Variants in WDR88 observed in about 807,000 individuals in gnomAD.
WDR88 encodes WD repeat-containing protein 88.
Under a neutral mutation model 46.8 loss-of-function variants are expected in WDR88, and 40 were observed. The observed-to-expected ratio is 0.86, with a 90% CI of 0.66 to 1.11. WDR88 has a LOEUF of 1.11. WDR88 is among the 50% of genes most tolerant of loss of function. The pLI is 0.00. For missense variants in WDR88, 562 were observed against 602.4 expected (o/e 0.93, Z 0.70); for synonymous variants, 235 against 240.7 (o/e 0.98, Z 0.22).
chr19:33,174,568 G>C (rs931372974), intron 10 of WDR88: 1 of 983,740 alleles, frequency 1.0e-6, no homozygotes, highest in Admixed American at 6.2e-5. Flanking sequence ...CCAGAAACAG[G>C]CTCAGGGACG....
rs751290834 is a variant in WDR88 at position 33,172,354 on chromosome 19, A to C, written c.1156A>C (p.Thr386Pro). ...KWILSASKDRTMRLWNIEEID... is the reference protein window; with the variant it reads ...KWILSASKDRPMRLWNIEEID... ...GGTTTGCTATTTGTTTTAGGATAGG[A>C]CCATGAGACTGTGGAATATTGAAGA... Residue 386 changes from threonine to proline, a missense_variant, in exon 10 of 11, where the codon ACC becomes CCC. Thr to Pro is a conservative substitution (Grantham distance 38). Transcript: ENST00000355868. 4 of 1,613,658 alleles carry C rather than the reference A, an allele frequency of 2.5e-6. No homozygotes were observed. Among genetic ancestry groups the C allele is most frequent in the Non-Finnish European group, 2.5e-6 (3 of 1,179,784 alleles).
At position 33,175,654 on chromosome 19, in the gene WDR88, G is replaced by T; in HGVS notation, c.*82G>T. ...GGGCTTTGCAGGGGCTTTCTCTTGG[G>T]CCCCTCCCAGGCTCAGCAGGCCTGT... On this transcript the variant is annotated 3_prime_UTR_variant, in exon 11 of 11. Coordinates refer to ENST00000355868, the MANE Select transcript of WDR88 (RefSeq NM_173479.4). 3 of 1,546,364 alleles carry T rather than the reference G, an allele frequency of 1.9e-6. No individual in the cohort carries two copies. The highest frequency in any genetic ancestry group is 2.6e-6 in the Non-Finnish European group (3 of 1,135,938).
chr19:33,167,550 ACTGGAAGTG>A (rs769031983), intron 9 of WDR88, among the ~76,000 whole-genome samples: 3 of 152,124 alleles, frequency 2.0e-5, no homozygotes, highest in Non-Finnish European at 4.4e-5. Flanking sequence ...TCAATATTGT[ACTGGAAGTG>A]CTAGCCGGAG....
chr19:33,141,291 G>A (rs1973390777), intron 2 of WDR88, among the ~76,000 whole-genome samples: 1 of 145,054 alleles, frequency 6.9e-6, no homozygotes, highest in African/African-American at 2.7e-5. Context: ...GTGCAGTGGT[G>A]CAGTTATGGC....
chr19:33,151,217 A>G lies in WDR88; in HGVS notation c.716A>G (p.Asp239Gly), dbSNP rs751612872. The change falls in exon 6 of 11, where the codon GAC becomes GGC. Residue 239 changes from aspartate (D) to glycine (G), a missense_variant. Coordinates refer to ENST00000355868, the MANE Select transcript of WDR88 (RefSeq NM_173479.4). ...HTRSITSCCF[D>G]PDSQRVASVS... ...AGGTCCATCACGTCATGCTGCTTTG[A>G]CCCCGACAGCCAGAGGGTGGCTTCT... 1.2e-6 allele frequency: 2 copies of G among 1,613,598 alleles called. No homozygotes were observed. The highest frequency in any genetic ancestry group is 2.2e-5 in the South Asian group (2 of 90,942).
intron 2 of WDR88, among the ~76,000 whole-genome samples, chr19:33,140,048 G>A (rs919879852): frequency 2.4e-4 from 36 of 152,150 alleles, no homozygotes; most frequent in African/African-American, 8.7e-4. Context: ...CTGTCCTTAT[G>A]GACACCTGGC....
chr19:33,132,593 C>A, intron 1 of WDR88, 148 bp downstream of exon 1: 1 of 1,290,752 alleles, frequency 7.7e-7, no homozygotes, highest in Non-Finnish European at 1.0e-6. Context: ...ATCTGTGGTA[C>A]ATCTGTGGGC....
At chr19:33,162,716 C>T (rs140025878) in intron 8 of WDR88, among the ~76,000 whole-genome samples, 11 of 152,126 alleles carry the variant, frequency 7.2e-5, no homozygotes, top group East Asian at 3.9e-4. Flanking sequence ...GCTAAACACC[C>T]GAGTACTATT....
chr19:33,137,799 G>C lies in WDR88; in HGVS notation c.387+12G>C. 1 of 1,609,778 alleles carries C rather than the reference G, an allele frequency of 6.2e-7. No individual in the cohort carries two copies. The highest frequency in any genetic ancestry group is 8.5e-7 in the Non-Finnish European group (1 of 1,177,938). On this transcript the variant is annotated intron_variant, in intron 2 of 10. Transcript: ENST00000355868. ...CTGTGAAGCTGTGGGTAGGTGGCCG[G>C]CTGTTAGGTACTCCTGGAGCGAAAA...
chr19:33,141,077 C>T (rs1277972682), intron 2 of WDR88, among the ~76,000 whole-genome samples: 1 of 151,460 alleles, frequency 6.6e-6, no homozygotes, highest in African/African-American at 2.4e-5. Flanking sequence ...GCTGGGACCA[C>T]AGGCACACAC....
chr19:33,160,633 G>C, intron 8 of WDR88, 137 bp downstream of exon 8: 1 of 887,604 alleles, frequency 1.1e-6, no homozygotes, highest in East Asian at 2.4e-5. Flanking sequence ...GGACAGACAG[G>C]AAGCCAGCAA....
chr19:33,147,791 G>C (rs889656541), intron 4 of WDR88, 83 bp downstream of exon 4: 11 of 1,242,326 alleles, frequency 8.9e-6, no homozygotes, highest in Non-Finnish European at 1.3e-5. Context: ...TGGACCCTGG[G>C]TAGGGGGAGG....
intron 3 of WDR88, among the ~76,000 whole-genome samples, chr19:33,146,516 C>T (rs1358556097): frequency 2.1e-5 from 3 of 143,534 alleles, no homozygotes; most frequent in African/African-American, 7.8e-5. Flanking sequence ...CTCCCTTCCT[C>T]CCTTCCTTCC....
At chr19:33,173,476 G>C (rs1974074281) in intron 10 of WDR88, among the ~76,000 whole-genome samples, 1 of 152,266 alleles carries the variant, frequency 6.6e-6, no homozygotes, top group Non-Finnish European at 1.5e-5. Flanking sequence ...GAGCCTCTCT[G>C]TGCACACACC....
intron 1 of WDR88, among the ~76,000 whole-genome samples, chr19:33,133,513 A>C (rs1317732946): frequency 6.6e-6 from 1 of 152,232 alleles, no homozygotes; most frequent in Non-Finnish European, 1.5e-5. Flanking sequence ...ATCTCACTCC[A>C]TCTCAAAAAC....
intron 7 of WDR88, among the ~76,000 whole-genome samples, chr19:33,159,679 T>C (rs968822888): frequency 1.3e-5 from 2 of 152,174 alleles, no homozygotes; most frequent in Admixed American, 6.5e-5. Flanking sequence ...ATTCAGTGTC[T>C]GCAAAAACTG....
intron 2 of WDR88, among the ~76,000 whole-genome samples, chr19:33,138,668 CT>C (rs1973327151): frequency 7.4e-6 from 1 of 135,230 alleles, no homozygotes; most frequent in Admixed American, 8.0e-5. Flanking sequence ...TTTTTTTTTC[CT>C]TTCTTTTCTT....
At chr19:33,133,656 C>G (rs142768236) in intron 1 of WDR88, among the ~76,000 whole-genome samples, 2 of 152,218 alleles carry the variant, frequency 1.3e-5, no homozygotes, top group Non-Finnish European at 2.9e-5. Context: ...GCCTGGCTTC[C>G]CAGCATGTTT....
chr19:33,136,549 A>G (rs1020574515), intron 1 of WDR88, among the ~76,000 whole-genome samples: 5 of 151,762 alleles, frequency 3.3e-5, no homozygotes, highest in Non-Finnish European at 7.4e-5. Flanking sequence ...GAATCTTTTC[A>G]TGTGCTATCA....
Sources: gnomAD v4.1 joint callset for allele counts (sites outside exome capture counted in the v4.1 genomes callset) on GRCh38, gnomAD v4.1.1 for gene constraint, MANE v1.5 for transcripts, NCBI Gene and HGNC (gene_info 2026-07-23, HGNC 2026-07-21) for gene names.